Variants in COL25A1 observed in about 807,000 individuals in gnomAD.
COL25A1 encodes collagen type XXV alpha 1 chain.
In COL25A1, 103 loss-of-function variants were observed where a neutral mutation model predicts 128.4. That is an observed-to-expected ratio of 0.80 (90% CI 0.68 to 0.94). COL25A1 has a LOEUF of 0.94. Among genes scored for constraint, COL25A1 ranks in the 40% least tolerant of loss-of-function variants. COL25A1 has a pLI of 0.00. For missense variants in COL25A1, 745 were observed against 840.0 expected, an observed-to-expected ratio of 0.89 and a Z score of 1.40; for synonymous variants, 279 against 277.2, an observed-to-expected ratio of 1.01 and a Z score of -0.06.
chr4:109,251,295 T>C (rs1560931030), intron 3 of COL25A1, among the ~76,000 whole-genome samples: 1 of 152,240 alleles, frequency 6.6e-6, no homozygotes, highest in Non-Finnish European at 1.5e-5. Flanking sequence ...CTGTATTCCC[T>C]TTGCCTCCAG....
chr4:109,107,639 G>T (rs1766569905), intron 3 of COL25A1, among the ~76,000 whole-genome samples: 3 of 152,146 alleles, frequency 2.0e-5, no homozygotes, highest in Admixed American at 1.3e-4. Context: ...TTCATCATGT[G>T]ATTTTACATA....
chr4:109,146,452 T>C (rs1578283348), intron 3 of COL25A1, among the ~76,000 whole-genome samples: 2 of 152,318 alleles, frequency 1.3e-5, no homozygotes, highest in South Asian at 4.1e-4. Flanking sequence ...TCACATTAAA[T>C]AGTAATTGAA....
chr4:108,845,228 T>A lies in COL25A1; in HGVS notation c.1539A>T (p.Glu513Asp), dbSNP rs1266797603. ...GACCCGGCATTCCAGAATCTCCTTT[T>A]TCTCCTTTCATTCCATTGGCTCCCT... ...GLPGANGMKG[E>D]KGDSGMPGPQ... Residue 513 changes from glutamate (E) to aspartate (D), a missense_variant, in exon 29 of 38, where the codon GAA becomes GAT. By Grantham distance (45) the Glu-to-Asp change is conservative (BLOSUM62 2). Around this residue, in one of 3 missense-constraint regions of COL25A1, gnomAD observed 387 missense variants for 441.9 expected, o/e 0.88. Coordinates refer to ENST00000399132, the MANE Select transcript of COL25A1 (RefSeq NM_198721.4). 7 of 1,613,960 alleles carry A rather than the reference T, an allele frequency of 4.3e-6. No individual in the cohort carries two copies. Among genetic ancestry groups the A allele is most frequent in the Non-Finnish European group, 5.9e-6 (7 of 1,179,804 alleles).
At chr4:108,865,411 T>C (rs1056876009) in intron 20 of COL25A1, among the ~76,000 whole-genome samples, 1 of 152,046 alleles carries the variant, frequency 6.6e-6, no homozygotes, top group East Asian at 1.9e-4. Flanking sequence ...AGGCAAGTGT[T>C]AAAGACTCAG....
chr4:108,830,087 C>G (rs143876495), intron 32 of COL25A1, among the ~76,000 whole-genome samples: 96 of 152,320 alleles, frequency 6.3e-4, no homozygotes, highest in African/African-American at 2.0e-3. Flanking sequence ...GAATTTGTCA[C>G]TTAGAGCCAA....
chr4:109,191,163 T>C lies in COL25A1; in HGVS notation c.367+109420A>G, dbSNP rs140020887. Reference sequence around the variant, plus strand: ...TTTTAAATAAGCCACAAACCATGCTTCTTGGTTTTGTTTACACTGGTTCCA... The same window carrying C: ...TTTTAAATAAGCCACAAACCATGCTCCTTGGTTTTGTTTACACTGGTTCCA... On this transcript the variant is annotated intron_variant, in intron 3 of 37. Transcript: ENST00000399132. 1.5e-4 allele frequency among the ~76,000 whole-genome samples: 23 copies of C among 152,260 alleles called. No individual in the cohort carries two copies. The East Asian group carries it at 4.3e-3, about 28-fold the overall frequency.
At chr4:109,248,960 T>C (rs1235951514) in intron 3 of COL25A1, among the ~76,000 whole-genome samples, 1 of 152,204 alleles carries the variant, frequency 6.6e-6, no homozygotes, top group Non-Finnish European at 1.5e-5. Flanking sequence ...ATTAACTCCA[T>C]GGTTCATGGA....
At chr4:109,074,636 G>T (rs951279007) in intron 3 of COL25A1, among the ~76,000 whole-genome samples, 5 of 152,214 alleles carry the variant, frequency 3.3e-5, no homozygotes, top group South Asian at 2.1e-4. Flanking sequence ...TTTAAGTAAT[G>T]AAATTAACAT....
chr4:108,886,492 G>GTTTT (rs535762905), intron 18 of COL25A1, among the ~76,000 whole-genome samples: 5,671 of 109,142 alleles, frequency 0.052, 259 homozygotes, highest in Middle Eastern at 0.078. Context: ...GTGTGTGTGT[G>GTTTT]TTTAGCTCAT....
intron 3 of COL25A1, among the ~76,000 whole-genome samples, chr4:109,186,284 G>A: frequency 6.6e-6 from 1 of 152,144 alleles, no homozygotes; most frequent in Non-Finnish European, 1.5e-5. Context: ...CTATCTGCAT[G>A]AAAACAAAAC....
At chr4:108,962,497 G>A (rs1750844079) in intron 8 of COL25A1, among the ~76,000 whole-genome samples, 1 of 151,966 alleles carries the variant, frequency 6.6e-6, no homozygotes, top group South Asian at 2.1e-4. Flanking sequence ...TTAATTATAA[G>A]GAATTACTTT....
At chr4:109,148,928 CCTCT>C (rs982322912) in intron 3 of COL25A1, among the ~76,000 whole-genome samples, 25 of 152,122 alleles carry the variant, frequency 1.6e-4, no homozygotes, top group Admixed American at 4.6e-4. Flanking sequence ...TCTTCTTTCT[CCTCT>C]CTCTATCTTG....
chr4:109,198,124 G>A (rs1246330960), intron 3 of COL25A1, among the ~76,000 whole-genome samples: 1 of 151,762 alleles, frequency 6.6e-6, no homozygotes, highest in Non-Finnish European at 1.5e-5. Flanking sequence ...TCTTACCCCG[G>A]TCGTCTCAAA....
At chr4:108,968,946 C>G (rs530873503) in intron 8 of COL25A1, among the ~76,000 whole-genome samples, 1 of 152,256 alleles carries the variant, frequency 6.6e-6, no homozygotes, top group Admixed American at 6.5e-5. Flanking sequence ...GGCTTCAAGA[C>G]TGGTCTTGAA....
intron 2 of COL25A1, among the ~76,000 whole-genome samples, chr4:109,301,095 ACT>A (rs1725477671): frequency 6.6e-6 from 1 of 151,500 alleles, no homozygotes; most frequent in Admixed American, 6.6e-5. Flanking sequence ...AAACCCCCTT[ACT>A]CTAGTCTAAA....
In COL25A1 at chr4:109,100,055, GAA is replaced by G. The variant is rs762843770; in HGVS notation, c.368-49878_368-49877del. ...CTAAAAATATTAAGACTATTGAAAA[GAA>G]TGATAAATTCACAAGAAATCGGGCA... On this transcript the variant is annotated intron_variant, in intron 3 of 37. Coordinates refer to ENST00000399132, the MANE Select transcript of COL25A1 (RefSeq NM_198721.4). 6.6e-5 allele frequency among the ~76,000 whole-genome samples: 10 copies of G among 152,200 alleles called. No homozygotes were observed. In the East Asian group the frequency reaches 1.4e-3, roughly 21 times the overall value.
At chr4:109,234,804 G>C (rs1383960555) in intron 3 of COL25A1, among the ~76,000 whole-genome samples, 1 of 151,978 alleles carries the variant, frequency 6.6e-6, no homozygotes, top group Non-Finnish European at 1.5e-5. Flanking sequence ...AGCAAGTTGT[G>C]GAATTTTAAC....
At chr4:109,106,387 G>A (rs17039843) in intron 3 of COL25A1, among the ~76,000 whole-genome samples, 31,342 of 151,902 alleles carry the variant, frequency 0.21, 3,921 homozygotes, top group East Asian at 0.39. Context: ...ATAGTTCAAT[G>A]AGTTTTTAGC....
At chr4:108,903,321 T>C (rs899906786) in intron 13 of COL25A1, among the ~76,000 whole-genome samples, 1 of 152,018 alleles carries the variant, frequency 6.6e-6, no homozygotes, top group Non-Finnish European at 1.5e-5. Flanking sequence ...TTCTGGTCTT[T>C]GATATTTATG....
Sources: allele counts gnomAD v4.1 joint callset (sites outside exome capture counted in the v4.1 genomes callset), GRCh38; gene constraint gnomAD v4.1.1; regional missense constraint gnomAD v4.1.1; transcripts MANE v1.5; gene names NCBI Gene and HGNC (gene_info 2026-07-23, HGNC 2026-07-21).